ADAMTSL1: variants seen among roughly 807,000 people sequenced by gnomAD.
ADAMTSL1 encodes the protein ADAMTS-like protein 1.
In ADAMTSL1, 126 loss-of-function variants were observed where a neutral mutation model predicts 201.8. The ratio of observed to expected loss-of-function variants is 0.62; its 90% CI spans 0.54 to 0.72. The LOEUF is 0.72. Ranked by LOEUF, ADAMTSL1 falls within the 30% of genes least tolerant of loss-of-function variation. The pLI is 0.00. For missense variants in ADAMTSL1, 2,679 were observed against 2,277.8 expected (o/e 1.18, Z -3.59); for synonymous variants, 1,121 against 903.4 (o/e 1.24, Z -4.32).
At chr9:17,981,855 G>A (rs754272134) in intron 1 of ADAMTSL1, among the ~76,000 whole-genome samples, 1 of 152,084 alleles carries the variant, frequency 6.6e-6, no homozygotes, top group Non-Finnish European at 1.5e-5. Flanking sequence ...TTAGTTTGGG[G>A]TTGCCCTTGT....
chr9:18,711,421 T>C (rs1178626648), intron 14 of ADAMTSL1, among the ~76,000 whole-genome samples: 1 of 152,336 alleles, frequency 6.6e-6, no homozygotes, highest in East Asian at 1.9e-4. Flanking sequence ...GGGCGAGGCA[T>C]TGCCTCACTC....
chr9:18,461,082 C>G (rs1280413461), intron 2 of ADAMTSL1, among the ~76,000 whole-genome samples: 2 of 152,050 alleles, frequency 1.3e-5, no homozygotes, highest in Non-Finnish European at 2.9e-5. Flanking sequence ...TTTTTCCACA[C>G]CTCATTTTTA....
At chr9:18,887,791 A>T (rs779651310) in intron 23 of ADAMTSL1, 40 bp from the exon 24 acceptor site, 1 of 1,560,280 alleles carries the variant, frequency 6.4e-7, no homozygotes, top group East Asian at 2.3e-5. Context: ...TGTGTTCCTT[A>T]TGGCTTTACT....
At chr9:18,169,343 T>G (rs568167923) in intron 2 of ADAMTSL1, among the ~76,000 whole-genome samples, 1 of 152,074 alleles carries the variant, frequency 6.6e-6, no homozygotes, top group Non-Finnish European at 1.5e-5. Flanking sequence ...TTTCTACATA[T>G]GGCTAGCCAG....
chr9:17,914,881 GACAA>G (rs1195292207), intron 1 of ADAMTSL1, among the ~76,000 whole-genome samples: 8 of 152,070 alleles, frequency 5.3e-5, no homozygotes, highest in Admixed American at 1.3e-4. Flanking sequence ...ACCAATAACA[GACAA>G]ACAGAGAGCC....
chr9:18,862,370 G>A (rs1161131460), intron 23 of ADAMTSL1, among the ~76,000 whole-genome samples: 3 of 152,296 alleles, frequency 2.0e-5, no homozygotes, highest in Non-Finnish European at 4.4e-5. Flanking sequence ...GCTGATCTGT[G>A]TATTTTCTAG....
chr9:18,893,747 C>G (rs1308782653), intron 26 of ADAMTSL1, among the ~76,000 whole-genome samples: 1 of 152,180 alleles, frequency 6.6e-6, no homozygotes, highest in Admixed American at 6.5e-5. Flanking sequence ...AGATGCTTCT[C>G]AAACCTCCAC....
chr9:18,209,026 A>G (rs1021004939), intron 2 of ADAMTSL1, among the ~76,000 whole-genome samples: 1 of 152,186 alleles, frequency 6.6e-6, no homozygotes, highest in Non-Finnish European at 1.5e-5. Context: ...GTGACATGCT[A>G]TATAAAGGAA....
chr9:18,770,821 T>C, intron 17 of ADAMTSL1, 40 bp downstream of exon 17: 1 of 1,595,212 alleles, frequency 6.3e-7, no homozygotes, highest in Non-Finnish European at 8.6e-7. Context: ...GAGATCCAAG[T>C]AGGAAAAGAA....
At chr9:18,231,045 C>T (rs1830629332) in intron 2 of ADAMTSL1, among the ~76,000 whole-genome samples, 2 of 152,238 alleles carry the variant, frequency 1.3e-5, no homozygotes, top group South Asian at 2.1e-4. Context: ...TCAGCCTGGG[C>T]GTAGCTTTTC....
intron 1 of ADAMTSL1, among the ~76,000 whole-genome samples, chr9:18,005,408 A>G (rs1190752499): frequency 2.6e-5 from 4 of 152,032 alleles, no homozygotes; most frequent in Non-Finnish European, 5.9e-5. Context: ...TAATTTTCCC[A>G]AGCACAACTT....
chr9:18,619,946 T>C (rs1825924818), intron 4 of ADAMTSL1, among the ~76,000 whole-genome samples: 1 of 151,426 alleles, frequency 6.6e-6, no homozygotes, highest in South Asian at 2.1e-4. Flanking sequence ...GAATGTTGCC[T>C]AAATTAAAAC....
chr9:18,244,667 C>A (rs1020057491), intron 2 of ADAMTSL1, among the ~76,000 whole-genome samples: 2 of 152,120 alleles, frequency 1.3e-5, no homozygotes, highest in African/African-American at 4.8e-5. Flanking sequence ...GGCATTTTCT[C>A]ATTTCTGAAT....
intron 2 of ADAMTSL1, among the ~76,000 whole-genome samples, chr9:18,352,661 A>T (rs1836024343): frequency 6.6e-6 from 1 of 152,216 alleles, no homozygotes; most frequent in South Asian, 2.1e-4. Context: ...CATATCTAAA[A>T]ATGTACGCCA....
At chr9:18,035,540 C>T (rs757786847) in intron 1 of ADAMTSL1, among the ~76,000 whole-genome samples, 27 of 152,198 alleles carry the variant, frequency 1.8e-4, no homozygotes, top group African/African-American at 7.2e-5. Context: ...TCCTCACCAC[C>T]TCATCAAGTC....
chr9:18,319,696 T>C (rs1834546966), intron 2 of ADAMTSL1, among the ~76,000 whole-genome samples: 1 of 152,172 alleles, frequency 6.6e-6, no homozygotes, highest in Non-Finnish European at 1.5e-5. Context: ...AGATTTCACA[T>C]GGAAGAACAA....
chr9:18,873,788 T>C (rs567908261), intron 23 of ADAMTSL1, among the ~76,000 whole-genome samples: 1 of 152,302 alleles, frequency 6.6e-6, no homozygotes, highest in East Asian at 1.9e-4. Context: ...GGCTCTTTTT[T>C]AGTTACATAT....
intron 2 of ADAMTSL1, among the ~76,000 whole-genome samples, chr9:18,459,332 T>C (rs1299206631): frequency 1.3e-5 from 2 of 152,186 alleles, no homozygotes; most frequent in Non-Finnish European, 2.9e-5. Flanking sequence ...GGTCAGACTT[T>C]ATTGGTGTTT....
At chr9:17,934,452 G>T (rs539318382) in intron 1 of ADAMTSL1, among the ~76,000 whole-genome samples, 25 of 151,982 alleles carry the variant, frequency 1.6e-4, no homozygotes, top group Admixed American at 1.3e-3. Flanking sequence ...CTCTCTCTTT[G>T]GTGCACTCAC....
Sources: gnomAD v4.1 joint callset for allele counts (sites outside exome capture counted in the v4.1 genomes callset) on GRCh38, gnomAD v4.1.1 for gene constraint, MANE v1.5 for transcripts, NCBI Gene and HGNC (gene_info 2026-07-23, HGNC 2026-07-21) for gene names.